FLNB: variants seen among roughly 807,000 people sequenced by gnomAD.
FLNB encodes the protein filamin B.
Under a neutral mutation model 250.6 loss-of-function variants are expected in FLNB, and 111 were observed. The observed-to-expected ratio is 0.44, with a 90% confidence interval of 0.38 to 0.52. The LOEUF (loss-of-function observed/expected upper bound fraction) is 0.52, where lower values mean the gene tolerates loss of function less well. Ranked by LOEUF, FLNB falls within the 20% of genes least tolerant of loss-of-function variation. The pLI, the probability that FLNB is intolerant of heterozygous loss-of-function variation, is 0.00. For missense variants in FLNB, 2,869 were observed against 3,447.8 expected, an observed-to-expected ratio of 0.83 and a Z score of 4.20; for synonymous variants, 1,302 against 1,372.1, an observed-to-expected ratio of 0.95 and a Z score of 1.13.
rs893259468 is a variant in FLNB, at chr3:58,060,011, A to C, written c.293-17035A>C. 7.2e-5 allele frequency among the ~76,000 whole-genome samples: 11 copies of C among 152,100 alleles called. No individual in the cohort carries two copies. The South Asian group carries it at 2.3e-3, about 32-fold the overall frequency. On this transcript the variant is annotated intron_variant, in intron 1 of 45. Transcript: ENST00000295956. ...AATTGACCTATTCATTATTTTTCTT[A>C]ATCTGGAAAATGGAGCCAACAGCAG...
At chr3:58,035,912 A>G (rs1193270967) in intron 1 of FLNB, among the ~76,000 whole-genome samples, 1 of 152,234 alleles carries the variant, frequency 6.6e-6, no homozygotes, top group Non-Finnish European at 1.5e-5. Flanking sequence ...TTAACTTTCT[A>G]CAGAGATGTA....
intron 1 of FLNB, among the ~76,000 whole-genome samples, chr3:58,025,136 T>TTC (rs1553681597): frequency 6.9e-6 from 1 of 145,624 alleles, no homozygotes; most frequent in Non-Finnish European, 1.5e-5. Flanking sequence ...TTTCTTTCTT[T>TTC]TTTTTTTTTT....
chr3:58,140,599 G>A (rs1263316369), intron 29 of FLNB, among the ~76,000 whole-genome samples: 1 of 152,118 alleles, frequency 6.6e-6, no homozygotes, highest in African/African-American at 2.4e-5. Context: ...GTTGAATCAG[G>A]AGCATTAAAT....
At chr3:58,061,655 C>G (rs531500287) in intron 1 of FLNB, among the ~76,000 whole-genome samples, 2 of 151,742 alleles carry the variant, frequency 1.3e-5, no homozygotes, top group African/African-American at 4.8e-5. Context: ...GAGTCGGGAG[C>G]CTGATCCTCA....
chr3:58,019,501 T>A (rs1395887610), intron 1 of FLNB, among the ~76,000 whole-genome samples: 1 of 152,226 alleles, frequency 6.6e-6, no homozygotes, highest in East Asian at 1.9e-4. Flanking sequence ...ATTTTACAGA[T>A]GAGAAAACTG....
At chr3:58,140,231 G>C (rs1224563020) in intron 29 of FLNB, among the ~76,000 whole-genome samples, 1 of 152,196 alleles carries the variant, frequency 6.6e-6, no homozygotes, top group African/African-American at 2.4e-5. Context: ...GTCTCAAGGA[G>C]ACCCACAGGG....
chr3:58,086,120 C>T (rs1319277887), intron 4 of FLNB, among the ~76,000 whole-genome samples: 2 of 151,638 alleles, frequency 1.3e-5, no homozygotes, highest in African/African-American at 4.8e-5. Flanking sequence ...CTCAGCTTCC[C>T]TAGTAGTTCG....
chr3:58,031,841 C>T lies in FLNB; in HGVS notation c.292+22985C>T, dbSNP rs57234154. ...CTATAGACGTGAACCACTGCACCCC[C>T]ATCCAAAAGTGTCATTTTAATGCTG... On this transcript the variant is annotated intron_variant, in intron 1 of 45. Coordinates refer to ENST00000295956, the MANE Select transcript of FLNB (RefSeq NM_001457.4). Among the ~76,000 whole-genome samples, 606 of 151,870 alleles carry T rather than the reference C, an allele frequency of 4.0e-3. 4 individuals are homozygous for T. Among genetic ancestry groups the T allele is most frequent in the African/African-American group, 0.014 (567 of 41,400 alleles).
At chr3:58,045,837 T>C (rs561001926) in intron 1 of FLNB, among the ~76,000 whole-genome samples, 1 of 152,044 alleles carries the variant, frequency 6.6e-6, no homozygotes, top group East Asian at 1.9e-4. Context: ...CTGTTTCTAC[T>C]AAAAATATAA....
rs1233742187 is a variant in FLNB, at chr3:58,156,020, T to C, written c.6833T>C (p.Val2278Ala). ...DEHIPESPYL[V>A]PVIAPSDDAR... Reference sequence around the variant, plus strand: ...CACATCCCGGAAAGCCCCTACCTGGTGCCGGTCATCGCACCCTCCGACGAC... The same window carrying C: ...CACATCCCGGAAAGCCCCTACCTGGCGCCGGTCATCGCACCCTCCGACGAC... The change falls in exon 41 of 46, where the codon GTG (valine) becomes GCG (alanine). Residue 2278 changes from valine (V) to alanine (A), a missense_variant. Physicochemically the swap from Val to Ala is moderately conservative, Grantham distance 64. Transcript: ENST00000295956. 5.0e-6 allele frequency: 8 copies of C among 1,614,200 alleles called. No individual in the cohort carries two copies. Among genetic ancestry groups the C allele is most frequent in the Non-Finnish European group, 5.9e-6 (7 of 1,180,032 alleles).
At chr3:58,065,755 A>C (rs1482453390) in intron 1 of FLNB, among the ~76,000 whole-genome samples, 1 of 152,250 alleles carries the variant, frequency 6.6e-6, no homozygotes, top group East Asian at 1.9e-4. Flanking sequence ...GCACAGCCCC[A>C]GGGTGGGCCA....
At chr3:58,030,410 G>T (rs2097129274) in intron 1 of FLNB, among the ~76,000 whole-genome samples, 2 of 152,180 alleles carry the variant, frequency 1.3e-5, no homozygotes, top group African/African-American at 4.8e-5. Context: ...TCTCTGCTCT[G>T]TTGGTTTCTT....
chr3:58,100,785 C>T (rs576640736), intron 8 of FLNB, among the ~76,000 whole-genome samples: 26 of 151,708 alleles, frequency 1.7e-4, no homozygotes, highest in Middle Eastern at 3.4e-3. Context: ...TTTTAGCAGA[C>T]ACAGGGTTTC....
intron 1 of FLNB, among the ~76,000 whole-genome samples, chr3:58,050,033 T>C (rs1247483228): frequency 2.7e-5 from 4 of 150,800 alleles, no homozygotes; most frequent in Non-Finnish European, 5.9e-5. Flanking sequence ...TTTTTTTTTT[T>C]TTTTTCTTTT....
At chr3:58,038,604 T>TA in intron 1 of FLNB, among the ~76,000 whole-genome samples, 1 of 151,922 alleles carries the variant, frequency 6.6e-6, no homozygotes, top group African/African-American at 2.4e-5. Flanking sequence ...AATTTTTTTT[T>TA]TTTTTTGAGA....
At chr3:58,122,966 A>G (rs1286583037) in intron 20 of FLNB, 127 bp from the exon 21 acceptor site, 2 of 860,930 alleles carry the variant, frequency 2.3e-6, no homozygotes, top group Admixed American at 1.7e-5. Flanking sequence ...TGTGACACAT[A>G]AAGCCCCAAG....
intron 24 of FLNB, among the ~76,000 whole-genome samples, chr3:58,130,436 AAT>A (rs2097305141): frequency 6.6e-6 from 1 of 151,962 alleles, no homozygotes; most frequent in African/African-American, 2.4e-5. Context: ...CCACACCCCA[AAT>A]ATGTTATGTA....
chr3:58,087,500 C>A (rs1576693897), intron 4 of FLNB, among the ~76,000 whole-genome samples: 1 of 152,014 alleles, frequency 6.6e-6, no homozygotes, highest in African/African-American at 2.4e-5. Context: ...GTCGCCCAGG[C>A]TGGAGTGCAG....
At chr3:58,097,695 A>G (rs1490920199) in intron 6 of FLNB, 120 bp from the exon 7 acceptor site, 1 of 1,011,910 alleles carries the variant, frequency 9.9e-7, no homozygotes, top group Non-Finnish European at 1.5e-6. Context: ...TATTCTAGAC[A>G]CCTTGTGTGT....
Sources: allele counts gnomAD v4.1 joint callset (sites outside exome capture counted in the v4.1 genomes callset), GRCh38; gene constraint gnomAD v4.1.1; transcripts MANE v1.5; gene names NCBI Gene and HGNC (gene_info 2026-07-23, HGNC 2026-07-21).